CWC27: variants seen among roughly 807,000 people sequenced by gnomAD.
The protein encoded by CWC27 is CWC27 spliceosome associated cyclophilin, also known as spliceosome-associated protein CWC27 homolog.
A neutral mutation model predicts 63.6 loss-of-function variants in CWC27; 47 were observed. The observed-to-expected ratio is 0.74, with a 90% CI of 0.58 to 0.94. The LOEUF is 0.94. Ranked by LOEUF, CWC27 falls within the 40% of genes least tolerant of loss-of-function variation. CWC27 has a pLI of 0.00. For missense variants in CWC27, 495 were observed against 554.3 expected (o/e 0.89, Z 1.07); for synonymous variants, 175 against 179.8 (o/e 0.97, Z 0.22).
chr5:64,845,751 A>G (rs868179491), intron 10 of CWC27, among the ~76,000 whole-genome samples: 1 of 152,194 alleles, frequency 6.6e-6, no homozygotes, highest in South Asian at 2.1e-4. Context: ...CACCATCAAG[A>G]GTTCAAACCT....
intron 13 of CWC27, among the ~76,000 whole-genome samples, chr5:64,991,870 G>A (rs1749542824): frequency 6.6e-6 from 1 of 152,216 alleles, no homozygotes; most frequent in African/African-American, 2.4e-5. Flanking sequence ...ACCTTAATGT[G>A]AGGTCCCTTC....
chr5:64,826,646 T>A (rs940849606), intron 10 of CWC27, among the ~76,000 whole-genome samples: 6 of 152,082 alleles, frequency 3.9e-5, no homozygotes, highest in African/African-American at 1.4e-4. Context: ...GACTTTATAG[T>A]TCACTAATTA....
At chr5:64,971,876 A>C in intron 12 of CWC27, 64 bp downstream of exon 12, 1 of 983,474 alleles carries the variant, frequency 1.0e-6, no homozygotes, top group Non-Finnish European at 1.5e-6. Context: ...AAGTGTTTCT[A>C]AATGGAGCCT....
intron 13 of CWC27, among the ~76,000 whole-genome samples, chr5:64,990,262 T>TG (rs1749512443): frequency 7.5e-5 from 3 of 39,974 alleles, no homozygotes; most frequent in Middle Eastern, 8.1e-3. Flanking sequence ...TTTTTTTTTT[T>TG]TTTGTTTTTT....
At position 64,974,843 on chromosome 5, in the gene CWC27, ATC is replaced by A. The variant is rs1009253149; in HGVS notation, c.1153-2290_1153-2289del. Among the ~76,000 whole-genome samples the A allele has an allele frequency of 5.3e-5, 8 of 152,320 alleles. No individual in the cohort carries two copies. The East Asian group carries it at 1.5e-3, about 29-fold the overall frequency. Reference sequence around the variant, plus strand: ...TCTATTTTTCAATATTTTTACAGTAATCTGTTTTCTTATTAATAAGCAAATAC... The same window carrying A: ...TCTATTTTTCAATATTTTTACAGTAATGTTTTCTTATTAATAAGCAAATAC... On this transcript the variant is annotated intron_variant, in intron 12 of 13. Coordinates refer to ENST00000381070, the MANE Select transcript of CWC27 (RefSeq NM_005869.4).
intron 10 of CWC27, among the ~76,000 whole-genome samples, chr5:64,824,020 G>T (rs1242371527): frequency 1.3e-5 from 2 of 152,194 alleles, no homozygotes; most frequent in East Asian, 3.9e-4. Flanking sequence ...CTACCAATGT[G>T]ATTATAGATA....
chr5:64,915,489 T>C (rs2112383795), intron 11 of CWC27, among the ~76,000 whole-genome samples: 1 of 152,340 alleles, frequency 6.6e-6, no homozygotes, highest in East Asian at 1.9e-4. Context: ...TATACTTTTT[T>C]AACTTGTGTA....
chr5:64,912,101 A>AAAGG (rs1167463387), intron 11 of CWC27, among the ~76,000 whole-genome samples: 1 of 151,510 alleles, frequency 6.6e-6, no homozygotes, highest in Non-Finnish European at 1.5e-5. Flanking sequence ...AGAAAGAAAG[A>AAAGG]AAGAAAGTAG....
At position 64,872,936 on chromosome 5, in the gene CWC27, A is replaced by AT. The variant is rs555539610; in HGVS notation, c.939-12506dup. ...ACTCTTTCTCCCTTAGTGTATGCCTATATTTATTTAGCACCAACAACATAC... is the reference window on the plus strand; with the variant it reads ...ACTCTTTCTCCCTTAGTGTATGCCTATTATTTATTTAGCACCAACAACATAC... On this transcript the variant is annotated intron_variant, in intron 10 of 13. Coordinates refer to ENST00000381070, the MANE Select transcript of CWC27 (RefSeq NM_005869.4). Among the ~76,000 whole-genome samples the AT allele has an allele frequency of 4.8e-3, 731 of 152,278 alleles. 4 individuals are homozygous for AT. The highest frequency in any genetic ancestry group is 0.017 in the African/African-American group (689 of 41,568).
intron 10 of CWC27, among the ~76,000 whole-genome samples, chr5:64,825,998 C>T (rs765142938): frequency 6.6e-6 from 1 of 152,202 alleles, no homozygotes; most frequent in Non-Finnish European, 1.5e-5. Context: ...CACGCCCTTC[C>T]TGATGGCTTG....
chr5:64,846,392 A>G (rs1466606139), intron 10 of CWC27, among the ~76,000 whole-genome samples: 1 of 152,234 alleles, frequency 6.6e-6, no homozygotes, highest in East Asian at 1.9e-4. Context: ...TTAAAAACAT[A>G]ATGTTGAGGG....
At chr5:64,806,073 A>G (rs1461062911) in intron 10 of CWC27, among the ~76,000 whole-genome samples, 1 of 141,974 alleles carries the variant, frequency 7.0e-6, no homozygotes, top group Non-Finnish European at 1.5e-5. Flanking sequence ...TATTATACAA[A>G]ATACCATAGA....
chr5:64,834,598 C>A (rs984146633), intron 10 of CWC27, among the ~76,000 whole-genome samples: 1 of 151,660 alleles, frequency 6.6e-6, no homozygotes, highest in African/African-American at 2.4e-5. Context: ...GAAAGTGGAG[C>A]GATTTCCAAG....
intron 11 of CWC27, among the ~76,000 whole-genome samples, chr5:64,901,335 C>A (rs1747505050): frequency 6.6e-6 from 1 of 151,948 alleles, no homozygotes; most frequent in South Asian, 2.1e-4. Context: ...GTGGCAGGTG[C>A]CTGTAGTCCC....
chr5:64,834,700 T>TC (rs925124050), intron 10 of CWC27, among the ~76,000 whole-genome samples: 22 of 151,886 alleles, frequency 1.4e-4, no homozygotes, highest in South Asian at 8.3e-4. Flanking sequence ...CTTTGTAAAC[T>TC]CCAAGGACAC....
chr5:64,824,605 G>T (rs1487999401), intron 10 of CWC27, among the ~76,000 whole-genome samples: 3 of 151,544 alleles, frequency 2.0e-5, no homozygotes, highest in African/African-American at 7.3e-5. Context: ...TTCTGCACTG[G>T]TGTGAGGGTA....
At chr5:64,878,171 G>A (rs1746842540) in intron 10 of CWC27, among the ~76,000 whole-genome samples, 1 of 151,774 alleles carries the variant, frequency 6.6e-6, no homozygotes, top group African/African-American at 2.4e-5. Flanking sequence ...ATGCTGTTTA[G>A]TCTAGGTCTT....
At chr5:64,985,552 G>A (rs1641767535) in intron 13 of CWC27, among the ~76,000 whole-genome samples, 1 of 151,764 alleles carries the variant, frequency 6.6e-6, no homozygotes, top group Admixed American at 6.6e-5. Flanking sequence ...TTTTTATTTT[G>A]GTTTGCAATT....
At chr5:64,917,489 G>A (rs759363495) in intron 11 of CWC27, among the ~76,000 whole-genome samples, 7 of 152,134 alleles carry the variant, frequency 4.6e-5, no homozygotes, top group African/African-American at 7.2e-5. Context: ...TTCACTGGGC[G>A]ATGGGGTGCC....
Sources: gnomAD v4.1 joint callset for allele counts (sites outside exome capture counted in the v4.1 genomes callset) on GRCh38, gnomAD v4.1.1 for gene constraint, MANE v1.5 for transcripts, NCBI Gene and HGNC (gene_info 2026-07-23, HGNC 2026-07-21) for gene names.